SEM1: variants seen among roughly 807,000 people sequenced by gnomAD.
SEM1 encodes the protein 26S proteasome complex subunit SEM1.
SEM1 carries 3 observed loss-of-function variants against 12.7 expected under a neutral mutation model. The observed-to-expected ratio is 0.24, with a 90% CI of 0.11 to 0.61. SEM1 has a LOEUF of 0.61. Among genes scored for constraint, SEM1 ranks in the 20% least tolerant of loss-of-function variants. The pLI, the probability that SEM1 is intolerant of heterozygous loss-of-function variation, is 0.88. For synonymous variants in SEM1, 30 were observed against 27.8 expected (o/e 1.08, Z -0.25); for missense variants, 59 against 81.3 (o/e 0.73, Z 1.06).
intron 2 of SEM1, among the ~76,000 whole-genome samples, chr7:96,656,989 T>G (rs968360260): frequency 4.6e-5 from 7 of 152,242 alleles, no homozygotes; most frequent in African/African-American, 1.7e-4. Context: ...AGTATAAAAT[T>G]GTGATTATGT....
Position 96,527,930 on chromosome 7 carries a change from T to A in SEM1, c.171-21232A>T, listed in dbSNP as rs567719179. ...AATTAAAATCTACAAAGGGTTTTTGTTTTCCTTCTGCTTTTGCCAGTAATT... is the reference window on the plus strand; with the variant it reads ...AATTAAAATCTACAAAGGGTTTTTGATTTCCTTCTGCTTTTGCCAGTAATT... On this transcript the variant is annotated intron_variant and NMD_transcript_variant, in intron 2 of 3. Coordinates refer to the SEM1 transcript ENST00000466986. 1.3e-4 allele frequency among the ~76,000 whole-genome samples: 20 copies of A among 152,242 alleles called. No individual in the cohort carries two copies. The East Asian group carries it at 2.5e-3, about 19-fold the overall frequency.
intron 2 of SEM1, among the ~76,000 whole-genome samples, chr7:96,580,979 T>A (rs1317521884): frequency 2.0e-5 from 3 of 152,224 alleles, no homozygotes; most frequent in African/African-American, 4.8e-5. Context: ...TTTAATTAGA[T>A]CTCATTTGTC....
chr7:96,642,053 T>A (rs1331267427), intron 2 of SEM1, among the ~76,000 whole-genome samples: 1 of 152,066 alleles, frequency 6.6e-6, no homozygotes, highest in Non-Finnish European at 1.5e-5. Context: ...GCTATTTAAA[T>A]TAAAATTACT....
At chr7:96,648,166 T>C (rs1178233604) in intron 2 of SEM1, among the ~76,000 whole-genome samples, 3 of 152,230 alleles carry the variant, frequency 2.0e-5, no homozygotes, top group Non-Finnish European at 4.4e-5. Flanking sequence ...TTCACAATTT[T>C]TGAATACATT....
intron 2 of SEM1, among the ~76,000 whole-genome samples, chr7:96,663,901 C>A (rs995754741): frequency 6.6e-6 from 1 of 152,142 alleles, no homozygotes; most frequent in Non-Finnish European, 1.5e-5. Flanking sequence ...GTATATGAAA[C>A]GTTTCATCAG....
At chr7:96,504,308 A>T (rs530804818) in intron 3 of SEM1, among the ~76,000 whole-genome samples, 38 of 152,248 alleles carry the variant, frequency 2.5e-4, no homozygotes, top group Non-Finnish European at 4.7e-4. Flanking sequence ...TCTTAGAAAA[A>T]CTACAAGCAG....
chr7:96,568,104 G>C (rs1295356532), intron 2 of SEM1, among the ~76,000 whole-genome samples: 13 of 151,672 alleles, frequency 8.6e-5, no homozygotes, highest in African/African-American at 3.1e-4. Flanking sequence ...TTTTGGGTAG[G>C]CTTCAGGTGT....
At chr7:96,675,265 A>G (rs1193161181) in intron 2 of SEM1, among the ~76,000 whole-genome samples, 2 of 152,176 alleles carry the variant, frequency 1.3e-5, no homozygotes, top group African/African-American at 4.8e-5. Flanking sequence ...AGGAATAATG[A>G]ATTCATAGAA....
At chr7:96,677,679 GAC>G (rs1789488284) in intron 2 of SEM1, among the ~76,000 whole-genome samples, 1 of 152,066 alleles carries the variant, frequency 6.6e-6, no homozygotes, top group African/African-American at 2.4e-5. Context: ...GGGCTGAATG[GAC>G]AGTTTTCCTC....
At chr7:96,493,439 G>T (rs967711040) in intron 1 of SEM1, among the ~76,000 whole-genome samples, 58 of 151,934 alleles carry the variant, frequency 3.8e-4, no homozygotes, top group African/African-American at 1.4e-3. Flanking sequence ...ATTTACCAGT[G>T]CCCTTCTCCT....
At chr7:96,636,346 A>C (rs1808424955) in intron 2 of SEM1, among the ~76,000 whole-genome samples, 1 of 151,944 alleles carries the variant, frequency 6.6e-6, no homozygotes, top group Admixed American at 6.6e-5. Context: ...AGGGAAGGTC[A>C]TGGTGACTGG....
chr7:96,500,326 T>G (rs955061977), upstream of SEM1, among the ~76,000 whole-genome samples: 9 of 152,174 alleles, frequency 5.9e-5, no homozygotes, highest in Admixed American at 5.9e-4. Flanking sequence ...GGGTCCTCTT[T>G]GGATATGAAG....
At chr7:96,549,901 G>A (rs1043382311) in intron 2 of SEM1, among the ~76,000 whole-genome samples, 6 of 152,036 alleles carry the variant, frequency 3.9e-5, no homozygotes, top group Non-Finnish European at 7.4e-5. Flanking sequence ...ATAGCATTTC[G>A]GCTATGTAAC....
intron 2 of SEM1, among the ~76,000 whole-genome samples, chr7:96,554,749 T>G (rs1235663923): frequency 6.6e-6 from 1 of 150,946 alleles, no homozygotes; most frequent in Non-Finnish European, 1.5e-5. Flanking sequence ...TTCTATTGAT[T>G]GGAATAGTTT....
At chr7:96,602,295 A>G (rs1807219492) in intron 2 of SEM1, among the ~76,000 whole-genome samples, 1 of 152,238 alleles carries the variant, frequency 6.6e-6, no homozygotes. Flanking sequence ...GAAATGTGTC[A>G]GAATATCCAG....
intron 2 of SEM1, among the ~76,000 whole-genome samples, chr7:96,595,064 A>G (rs1034677541): frequency 6.6e-6 from 1 of 152,180 alleles, no homozygotes; most frequent in Admixed American, 6.5e-5. Context: ...AAATTTAATG[A>G]ACATTTCCCC....
In SEM1 at chr7:96,486,271, A is replaced by G. The variant is rs112051582; in HGVS notation, c.159T>C (p.Phe53=). 2,162 of 1,536,962 alleles carry G rather than the reference A, an allele frequency of 1.4e-3. 26 individuals are homozygous for G. The African/African-American group carries it at 0.026, about 18-fold the overall frequency. The change falls in exon 2 of 4, where the codon TTT becomes TTC. Residue 53 remains phenylalanine (F), a synonymous_variant. Coordinates refer to the SEM1 transcript ENST00000356686. ...TCTCCAAGTTTATCTGTTGCTTTGC[A>G]AAGGCCGGATGCTTACTCTCATGGA...
chr7:96,543,157 T>C (rs1805006348), intron 2 of SEM1, among the ~76,000 whole-genome samples: 1 of 151,932 alleles, frequency 6.6e-6, no homozygotes, highest in African/African-American at 2.4e-5. Flanking sequence ...AGCAGTCAGA[T>C]CAAAAATATT....
chr7:96,702,520 G>A (rs895744680), intron 1 of SEM1, among the ~76,000 whole-genome samples: 2 of 152,300 alleles, frequency 1.3e-5, no homozygotes, highest in East Asian at 3.9e-4. Context: ...AAGGAGTTCT[G>A]CATGTTCAAA....
Sources: allele counts gnomAD v4.1 joint callset (sites outside exome capture counted in the v4.1 genomes callset), GRCh38; gene constraint gnomAD v4.1.1; transcripts MANE v1.5; gene names NCBI Gene and HGNC (gene_info 2026-07-23, HGNC 2026-07-21).